SYNPO: variants seen among roughly 807,000 people sequenced by gnomAD.
The protein encoded by SYNPO is synaptopodin.
Under a neutral mutation model 49.5 loss-of-function variants are expected in SYNPO, and 19 were observed. The observed-to-expected ratio is 0.38, with a 90% confidence interval of 0.27 to 0.56. The LOEUF (loss-of-function observed/expected upper bound fraction) is 0.56, where lower values mean the gene tolerates loss of function less well. Ranked by LOEUF, SYNPO falls within the 20% of genes least tolerant of loss-of-function variation. The probability of loss-of-function intolerance (pLI) is 0.68; values close to 1 mark genes in which losing one functional copy is unlikely to be tolerated. For missense variants in SYNPO, 1,131 were observed against 1,248.3 expected (o/e 0.91, Z 1.42); for synonymous variants, 536 against 548.0 (o/e 0.98, Z 0.31).
chr5:150,596,604 G>A (rs1279567175), upstream of SYNPO, among the ~76,000 whole-genome samples: 3 of 152,054 alleles, frequency 2.0e-5, no homozygotes, highest in African/African-American at 7.2e-5. Flanking sequence ...TGATCAGGAC[G>A]GCTCATGTGT....
rs201039259 is a variant in SYNPO, at chr5:150,650,043, C to T, written c.1768C>T (p.Pro590Ser). Reference protein sequence around the residue: ...PAKVSPRAASPAKPSSLDLVP... With the variant: ...PAKVSPRAASSAKPSSLDLVP... Reference sequence around the variant, plus strand: ...CAAGGTCTCACCAAGAGCTGCCTCGCCCGCCAAGCCCAGCTCCTTGGACCT... The same window carrying T: ...CAAGGTCTCACCAAGAGCTGCCTCGTCCGCCAAGCCCAGCTCCTTGGACCT... The change falls in exon 2 of 3, where the codon CCC becomes TCC. Residue 590 changes from proline (P) to serine (S), a missense_variant. Around this residue, in one of 4 missense-constraint regions of SYNPO, gnomAD observed 509 missense variants for 484.5 expected, o/e 1.05. Transcript: ENST00000307662. The T allele has an allele frequency of 1.8e-5, 29 of 1,612,752 alleles. No individual in the cohort carries two copies. Among genetic ancestry groups the T allele is most frequent in the Non-Finnish European group, 2.5e-5 (29 of 1,179,994 alleles).
Position 150,649,789 on chromosome 5 carries a change from T to C in SYNPO, c.1514T>C (p.Leu505Pro). 1 of 1,612,018 alleles carries C rather than the reference T, an allele frequency of 6.2e-7. No individual in the cohort carries two copies. ...VIESSSHTPE[L>P]ARCPSPTMSL... ...GAGTCTTCAAGCCACACGCCAGAGC[T>C]GGCCCGCTGCCCATCACCTACCATG... Residue 505 changes from leucine (L) to proline (P), a missense_variant, in exon 2 of 3, where the codon CTG (leucine) becomes CCG (proline). This residue lies in a region of SYNPO where 602 missense variants were observed against 720.7 expected (regional missense o/e 0.84). Transcript: ENST00000307662.
the SYNPO span, among the ~76,000 whole-genome samples, chr5:150,589,170 T>C: frequency 6.6e-6 from 1 of 152,032 alleles, no homozygotes; most frequent in Non-Finnish European, 1.5e-5. Flanking sequence ...CAAGCAATTC[T>C]CCTGCCTCAG....
intron 1 of SYNPO, 61 bp from the exon 2 acceptor site, chr5:150,647,883 C>A: frequency 6.9e-7 from 1 of 1,459,410 alleles, no homozygotes; most frequent in South Asian, 1.3e-5. Flanking sequence ...GCCTGTTTGT[C>A]CGTGCACCCC....
intron 2 of SYNPO, among the ~76,000 whole-genome samples, chr5:150,629,352 G>A (rs1441217048): frequency 6.6e-6 from 1 of 152,180 alleles, no homozygotes; most frequent in African/African-American, 2.4e-5. Flanking sequence ...AAAATGCCTG[G>A]ACTGAGCTTC....
the SYNPO span, among the ~76,000 whole-genome samples, chr5:150,587,870 T>G: frequency 2.0e-5 from 3 of 152,154 alleles, no homozygotes; most frequent in Non-Finnish European, 4.4e-5. Context: ...GACAAGTCAT[T>G]GGGACTCCAT....
intron 1 of SYNPO, among the ~76,000 whole-genome samples, chr5:150,617,359 G>A (rs569452412): frequency 6.6e-6 from 1 of 152,178 alleles, no homozygotes; most frequent in African/African-American, 2.4e-5. Context: ...GCAATGGGGC[G>A]ATCTCGGTTC....
At chr5:150,612,432 C>T (rs1441465959) in intron 1 of SYNPO, among the ~76,000 whole-genome samples, 1 of 152,236 alleles carries the variant, frequency 6.6e-6, no homozygotes, top group East Asian at 1.9e-4. Flanking sequence ...TCCCATCCTT[C>T]CATTTCCCAT....
chr5:150,598,014 C>G (rs1466135028), upstream of SYNPO, among the ~76,000 whole-genome samples: 3 of 152,156 alleles, frequency 2.0e-5, no homozygotes, highest in Non-Finnish European at 2.9e-5. Context: ...GGACAAACTT[C>G]CCTGTATCAG....
chr5:150,616,449 G>A (rs941483689), intron 1 of SYNPO, among the ~76,000 whole-genome samples: 1 of 152,126 alleles, frequency 6.6e-6, no homozygotes, highest in Non-Finnish European at 1.5e-5. Context: ...TTGATTCTAG[G>A]GTTTCCTCCC....
At chr5:150,655,715 C>G (rs1316198580) in intron 2 of SYNPO, among the ~76,000 whole-genome samples, 1 of 152,188 alleles carries the variant, frequency 6.6e-6, no homozygotes, top group African/African-American at 2.4e-5. Flanking sequence ...TGCGGTGGCA[C>G]GATGTCGGCT....
chr5:150,649,085 G>C lies in SYNPO; in HGVS notation c.810G>C (p.Pro270=), dbSNP rs371488666. 1 of 1,613,778 alleles carries C rather than the reference G, an allele frequency of 6.2e-7. No homozygotes were observed. Among genetic ancestry groups the C allele is most frequent in the Non-Finnish European group, 8.5e-7 (1 of 1,179,796 alleles). The change falls in exon 2 of 3, where the codon CCG becomes CCC. Residue 270 remains proline (P), a synonymous_variant. Transcript: ENST00000307662. The stretch of plus-strand genomic sequence containing the variant: ...GACGACATTTTGGGGAGAAGGCCCC[G>C]GCTCCCCAGCCCCCCAGTTTGCCAG... ...LERRHFGEKA[P]APQPPSLPDR...
intron 1 of SYNPO, among the ~76,000 whole-genome samples, chr5:150,617,385 T>A (rs1757010704): frequency 6.6e-6 from 1 of 152,106 alleles, no homozygotes; most frequent in Non-Finnish European, 1.5e-5. Context: ...AACCTCCACC[T>A]CCTGGATTCA....
At chr5:150,587,370 A>G in the SYNPO span, among the ~76,000 whole-genome samples, 3 of 152,062 alleles carry the variant, frequency 2.0e-5, no homozygotes, top group African/African-American at 7.3e-5. Context: ...GGATTCATGG[A>G]TAGATATGTG....
intron 1 of SYNPO, among the ~76,000 whole-genome samples, chr5:150,603,204 G>A (rs1205527198): frequency 6.6e-6 from 1 of 152,236 alleles, no homozygotes; most frequent in Non-Finnish European, 1.5e-5. Context: ...GCTTTGTCCG[G>A]CCTCAGCCTG....
At chr5:150,634,827 AACAC>A (rs202176402) in intron 2 of SYNPO, among the ~76,000 whole-genome samples, 1,417 of 124,506 alleles carry the variant, frequency 0.011, 10 homozygotes, top group Middle Eastern at 0.029. Flanking sequence ...CCCTGTCTAA[AACAC>A]ACACACACAC....
At chr5:150,645,849 AT>A (rs1299035388) in intron 1 of SYNPO, among the ~76,000 whole-genome samples, 1 of 152,218 alleles carries the variant, frequency 6.6e-6, no homozygotes, top group East Asian at 1.9e-4. Context: ...AAAGAATGCA[AT>A]GTTCTACAGT....
intron 1 of SYNPO, among the ~76,000 whole-genome samples, chr5:150,646,737 A>G (rs2151418836): frequency 7.0e-6 from 1 of 143,840 alleles, no homozygotes; most frequent in East Asian, 2.0e-4. Context: ...AAAAATAAAT[A>G]AATACAAATT....
chr5:150,603,153 A>T (rs1756596306), intron 1 of SYNPO, among the ~76,000 whole-genome samples: 1 of 152,196 alleles, frequency 6.6e-6, no homozygotes, highest in Admixed American at 6.5e-5. Flanking sequence ...ACAGGCAAGG[A>T]GTTTGGGAAA....
Sources: gnomAD v4.1 joint callset for allele counts (sites outside exome capture counted in the v4.1 genomes callset) on GRCh38, gnomAD v4.1.1 for gene constraint, gnomAD v4.1.1 regional missense constraint, MANE v1.5 for transcripts, NCBI Gene and HGNC (gene_info 2026-07-23, HGNC 2026-07-21) for gene names.